The following DPP9 variants were observed in gnomAD, a reference collection of about 807,000 sequenced individuals.
DPP9 encodes the protein dipeptidyl peptidase IV-related protein-2.
In DPP9, 50 loss-of-function variants were observed where a neutral mutation model predicts 110.7. The ratio of observed to expected loss-of-function variants is 0.45; its 90% CI spans 0.36 to 0.57. The LOEUF is 0.57. Among genes scored for constraint, DPP9 ranks in the 20% least tolerant of loss-of-function variants. The pLI is 0.00. For synonymous variants in DPP9, 561 were observed against 514.4 expected (o/e 1.09, Z -1.23); for missense variants, 1,022 against 1,217.9 (o/e 0.84, Z 2.39).
At chr19:4,683,258 AGCCGGATG>A in intron 19 of DPP9, 1 of 1,432,638 alleles carries the variant, frequency 7.0e-7, no homozygotes, top group South Asian at 1.5e-5. Context: ...GGTTTTGTGC[AGCCGGATG>A]CCATCCTGCG....
chr19:4,722,561 A>T lies in DPP9; in HGVS notation c.-88-10T>A. 2 of 703,032 alleles carry T rather than the reference A, an allele frequency of 2.8e-6. No homozygotes were observed. The allele number at this position is 703,032 out of a possible 1,614,324, so 43.5% of individuals were successfully genotyped here. A position where few individuals can be genotyped will look rare whatever the true frequency, so the allele number is the denominator to read the frequency against. ...GGCGTGGGACACAGACCTTTATAGG[A>T]TAAACATGTCATGAATGTGGCAGGT... On this transcript the variant is annotated splice_polypyrimidine_tract_variant and intron_variant, in intron 1 of 21. Transcript: ENST00000262960.
intron 21 of DPP9, among the ~76,000 whole-genome samples, chr19:4,677,585 G>C (rs1169975510): frequency 6.6e-6 from 1 of 152,120 alleles, no homozygotes; most frequent in African/African-American, 2.4e-5. Context: ...CGAGTTTGAT[G>C]ACACCGTCCC....
In DPP9 at chr19:4,710,802, C is replaced by T. The variant is rs76052434; in HGVS notation, c.313+3279G>A. ...ACAGTGTGAAGTGACAGCCTGGAGT[C>T]GTTGAAGGGTGAATTTCACCCCGAA... On this transcript the variant is annotated intron_variant, in intron 4 of 21. Coordinates refer to ENST00000262960, the MANE Select transcript of DPP9 (RefSeq NM_139159.5). The surrounding 1 kb of genome is among the most constrained non-coding windows in gnomAD (Gnocchi z 5.6). Among the ~76,000 whole-genome samples, 278 of 152,156 alleles carry T rather than the reference C, an allele frequency of 1.8e-3. 5 individuals carry two copies. In the East Asian group the frequency reaches 0.051, roughly 28 times the overall value.
Position 4,718,796 on chromosome 19 carries a change from T to C in DPP9, c.56+1055A>G, listed in dbSNP as rs760205329. 1.3e-5 allele frequency among the ~76,000 whole-genome samples: 2 copies of C among 152,208 alleles called. No individual in the cohort carries two copies. Among genetic ancestry groups the C allele is most frequent in the Non-Finnish European group, 2.9e-5 (2 of 68,036 alleles). On this transcript the variant is annotated intron_variant, in intron 3 of 21. Transcript: ENST00000262960. The surrounding 1 kb of genome is among the most constrained non-coding windows in gnomAD (Gnocchi z 4.3). ...CATAGCCCTTCACACCGTCCCCGTC[T>C]TCCCCGGTCCATTCTTCAATTCCCT... is the stretch of plus-strand genomic sequence containing the variant.
rs1435276045 is a variant in DPP9 at position 4,682,915 on chromosome 19, G to A, written c.2332-77C>T. ...TCGGGTCCTACAGCCAGCATCAGCC[G>A]CTGTCCCGGGGCCGCCCTGGAGCCC... On this transcript the variant is annotated intron_variant, in intron 19 of 21. Transcript: ENST00000262960. The surrounding 1 kb of genome is among the most constrained non-coding windows in gnomAD (Gnocchi z 7.1). The A allele has an allele frequency of 1.3e-5, 20 of 1,538,840 alleles. No homozygotes were observed. Among genetic ancestry groups the A allele is most frequent in the Middle Eastern group, 1.7e-4 (1 of 5,996 alleles).
At chr19:4,716,826 G>A (rs948083999) in intron 3 of DPP9, among the ~76,000 whole-genome samples, 1 of 152,054 alleles carries the variant, frequency 6.6e-6, no homozygotes, top group South Asian at 2.1e-4. Context: ...CCCGGCCCCC[G>A]GCCTCCCACT....
chr19:4,722,883 G>A, intron 1 of DPP9: 1 of 290,212 alleles, frequency 3.4e-6, no homozygotes, highest in South Asian at 4.6e-5. Context: ...GGCCCCTGGG[G>A]AAGACCAGGG....
chr19:4,709,040 C>A (rs1216182524), intron 4 of DPP9, among the ~76,000 whole-genome samples: 2 of 152,176 alleles, frequency 1.3e-5, no homozygotes, highest in Non-Finnish European at 2.9e-5. Flanking sequence ...GCCTCAGCCT[C>A]CCGAGTAGCT....
chr19:4,701,679 G>A (rs976853255), intron 9 of DPP9, among the ~76,000 whole-genome samples: 1 of 152,234 alleles, frequency 6.6e-6, no homozygotes, highest in African/African-American at 2.4e-5. Context: ...AAGTTTCCTT[G>A]GCACATGGCT....
rs1217902184 is a variant in DPP9, at chr19:4,682,981, C to T, written c.2332-143G>A. ...GCACATGGGGCCGGCAAGGAAGGGG[C>T]CCTCAGACCGCGTGGCCCCCGTGGA... On this transcript the variant is annotated intron_variant, in intron 19 of 21. Transcript: ENST00000262960. The surrounding 1 kb of genome is among the most constrained non-coding windows in gnomAD (Gnocchi z 7.1). 3.3e-6 allele frequency: 5 copies of T among 1,532,148 alleles called. No homozygotes were observed. Among genetic ancestry groups the T allele is most frequent in the East Asian group, 2.5e-5 (1 of 40,780 alleles). 94.9% of individuals were successfully genotyped at this position (1,532,148 alleles called of 1,614,324 possible). A position where few individuals can be genotyped will look rare whatever the true frequency, so the allele number is the denominator to read the frequency against.
chr19:4,707,707 C>A (rs1195477461), intron 4 of DPP9, among the ~76,000 whole-genome samples: 1 of 150,380 alleles, frequency 6.6e-6, no homozygotes, highest in East Asian at 2.0e-4. Context: ...CTCACTGCAG[C>A]CTCTGCCTCC....
At chr19:4,686,123 CTT>C (rs34146833) in intron 16 of DPP9, among the ~76,000 whole-genome samples, 1 of 145,132 alleles carries the variant, frequency 6.9e-6, no homozygotes, top group Non-Finnish European at 1.5e-5. Context: ...TCTTTTTCTT[CTT>C]TTTTTTTTTC....
At position 4,695,486 on chromosome 19, in the gene DPP9, G is replaced by T; in HGVS notation, c.1245C>A (p.Phe415Leu). 1.3e-6 allele frequency: 2 copies of T among 1,571,128 alleles called. No homozygotes were observed. The highest frequency in any genetic ancestry group is 1.7e-6 in the Non-Finnish European group (2 of 1,160,020). ...LQLVLLPPAL[F>L]IPSTENEEQR... ...GCTCCTCATTCTCTGTGCTCGGGAT[G>T]AACAGGGCCGGGGGGAGGAGGACGA... The change falls in exon 12 of 22, where the codon TTC becomes TTA. Residue 415 changes from phenylalanine to leucine, a missense_variant. Coordinates refer to ENST00000262960, the MANE Select transcript of DPP9 (RefSeq NM_139159.5). This position sits in a 1 kb window ranked among gnomAD's most constrained non-coding sequence, Gnocchi z 4.7.
In DPP9 at chr19:4,688,899, G is replaced by T; in HGVS notation, c.1750-7C>A. 1 of 1,514,736 alleles carries T rather than the reference G, an allele frequency of 6.6e-7. No individual in the cohort carries two copies. The highest frequency in any genetic ancestry group is 8.7e-7 in the Non-Finnish European group (1 of 1,148,274). 93.8% of individuals were successfully genotyped at this position (1,514,736 alleles called of 1,614,324 possible). ...TGACGAACATGTCGAAGTTCTGGGG[G>T]TGGAATGGGGTGATGAGCTCCACGG... On this transcript the variant is annotated splice_polypyrimidine_tract_variant and splice_region_variant and intron_variant, in intron 15 of 21. Coordinates refer to ENST00000262960, the MANE Select transcript of DPP9 (RefSeq NM_139159.5).
In DPP9 at chr19:4,702,571, C is replaced by G. The variant is rs576039963; in HGVS notation, c.883+32G>C. 2.1e-5 allele frequency: 32 copies of G among 1,522,198 alleles called. No homozygotes were observed. In the African/African-American group the frequency reaches 3.9e-4, roughly 18 times the overall value. The allele number at this position is 1,522,198 out of a possible 1,614,324, so 94.3% of individuals were successfully genotyped here. A position where few individuals can be genotyped will look rare whatever the true frequency, so the allele number is the denominator to read the frequency against. ...GTGATTCCAGGAGGAAAAGCACGCC[C>G]GGGAGCATGTTGAAAAATGGAAGGG... On this transcript the variant is annotated intron_variant, in intron 8 of 21. Coordinates refer to ENST00000262960, the MANE Select transcript of DPP9 (RefSeq NM_139159.5).
At chr19:4,712,818 T>C (rs559864190) in intron 4 of DPP9, among the ~76,000 whole-genome samples, 2 of 152,340 alleles carry the variant, frequency 1.3e-5, no homozygotes, top group Admixed American at 1.3e-4. Flanking sequence ...ACTGCGCTGA[T>C]GGCGGAAGAA....
chr19:4,677,473 C>T (rs986094131), intron 21 of DPP9, among the ~76,000 whole-genome samples: 2 of 152,214 alleles, frequency 1.3e-5, no homozygotes, highest in Non-Finnish European at 2.9e-5. Flanking sequence ...TCTCCAGGCT[C>T]CTGGTCCCCA....
intron 4 of DPP9, among the ~76,000 whole-genome samples, chr19:4,708,940 G>A (rs1284156496): frequency 2.0e-5 from 3 of 152,174 alleles, no homozygotes; most frequent in East Asian, 1.9e-4. Flanking sequence ...TTTCTTGAGA[G>A]AGAGTCTCGC....
At position 4,694,632 on chromosome 19, in the gene DPP9, G is replaced by A. The variant is rs1168054802; in HGVS notation, c.1516+29C>T. On this transcript the variant is annotated intron_variant, in intron 13 of 21. Transcript: ENST00000262960. The surrounding 1 kb of genome is among the most constrained non-coding windows in gnomAD (Gnocchi z 4.0). ...GAACCACACGTGACTAACGCGATGA[G>A]TCGACAGCATTCGTCAGGCTCTGCT... 4.4e-6 allele frequency: 7 copies of A among 1,601,324 alleles called. No homozygotes were observed. Among genetic ancestry groups the A allele is most frequent in the East Asian group, 2.2e-5 (1 of 44,466 alleles).
Sources: allele counts gnomAD v4.1 joint callset (sites outside exome capture counted in the v4.1 genomes callset), GRCh38; gene constraint gnomAD v4.1.1; non-coding constraint Gnocchi (gnomAD v3.1); transcripts MANE v1.5; gene names NCBI Gene and HGNC (gene_info 2026-07-23, HGNC 2026-07-21).